AP2A2: variants seen among roughly 807,000 people sequenced by gnomAD.
AP2A2 encodes the protein AP-2 complex subunit alpha-2.
AP2A2 carries 32 observed loss-of-function variants against 104.2 expected under a neutral mutation model. That is an observed-to-expected ratio of 0.31 (90% CI 0.23 to 0.41). The LOEUF is 0.41. Among genes scored for constraint, AP2A2 ranks in the 10% least tolerant of loss-of-function variants. AP2A2 has a pLI of 1.00. For synonymous variants in AP2A2, 539 were observed against 533.3 expected (o/e 1.01, Z -0.15); for missense variants, 912 against 1,261.0 (o/e 0.72, Z 4.19).
intron 1 of AP2A2, among the ~76,000 whole-genome samples, chr11:959,073 G>A (rs1854336269): frequency 6.6e-6 from 1 of 152,236 alleles, no homozygotes; most frequent in African/African-American, 2.4e-5. Context: ...AGCGGATGAC[G>A]ATTTATCATG....
intron 1 of AP2A2, among the ~76,000 whole-genome samples, chr11:934,266 T>C (rs1853383325): frequency 6.6e-6 from 1 of 152,176 alleles, no homozygotes; most frequent in African/African-American, 2.4e-5. Flanking sequence ...TACTCTCCTT[T>C]GTTTCCCACT....
chr11:957,781 T>C (rs1288353316), intron 1 of AP2A2, among the ~76,000 whole-genome samples: 1 of 152,270 alleles, frequency 6.6e-6, no homozygotes, highest in East Asian at 1.9e-4. Context: ...CCTAGCTTCA[T>C]CTGCTTTCCT....
chr11:1,009,205 G>A lies in AP2A2; in HGVS notation c.2526G>A (p.Lys842=). The change falls in exon 19 of 22, where the codon AAG becomes AAA. Residue 842 remains lysine, a synonymous_variant. Transcript: ENST00000448903. ...CTCAGGATTTCTTTCAACGTTGGAA[G>A]CAGTTGAGCAAGTGAGAAACCTGTT... ...MASQDFFQRW[K]QLSNPQQEVQ... The A allele has an allele frequency of 6.2e-7, 1 of 1,613,638 alleles. No homozygotes were observed. Among genetic ancestry groups the A allele is most frequent in the South Asian group, 1.1e-5 (1 of 91,084 alleles).
chr11:986,801 G>A lies in AP2A2; in HGVS notation c.979G>A (p.Val327Ile), dbSNP rs750366387. 70 of 1,613,058 alleles carry A rather than the reference G, an allele frequency of 4.3e-5. No individual in the cohort carries two copies. Among genetic ancestry groups the A allele is most frequent in the Non-Finnish European group, 1.9e-5 (23 of 1,179,792 alleles). The change falls in exon 9 of 22, where the codon GTC (valine) becomes ATC (isoleucine). Residue 327 changes from valine (V) to isoleucine (I), a missense_variant. By Grantham distance (29) the Val-to-Ile change is conservative. Transcript: ENST00000448903. Reference protein sequence around the residue: ...IHHDSEPNLLVRACNQLGQFL... With the variant: ...IHHDSEPNLLIRACNQLGQFL... ...TCCACACAGTGAGCCGAACCTGCTC[G>A]TCCGTGCCTGCAACCAGTTGGGCCA...
chr11:983,410 T>C (rs550883666), intron 6 of AP2A2, among the ~76,000 whole-genome samples: 70 of 151,068 alleles, frequency 4.6e-4, no homozygotes, highest in Non-Finnish European at 9.7e-4. Context: ...TGAGATGGAG[T>C]CTCACTCTGT....
At chr11:939,156 C>A (rs1192796665) in intron 1 of AP2A2, among the ~76,000 whole-genome samples, 1 of 148,324 alleles carries the variant, frequency 6.7e-6, no homozygotes, top group Admixed American at 6.9e-5. Flanking sequence ...GAGGCTGAGG[C>A]AGCAGAATCA....
In AP2A2 at chr11:992,795, C is replaced by T. The variant is rs373416694; in HGVS notation, c.1452+110C>T. 8.7e-7 allele frequency: 1 copy of T among 1,143,706 alleles called. No individual in the cohort carries two copies. The highest frequency in any genetic ancestry group is 1.3e-6 in the Non-Finnish European group (1 of 785,296). 70.8% of individuals were successfully genotyped at this position (1,143,706 alleles called of 1,614,324 possible). A position where few individuals can be genotyped will look rare whatever the true frequency, so the allele number is the denominator to read the frequency against. On this transcript the variant is annotated intron_variant, in intron 11 of 21. Transcript: ENST00000448903. The surrounding 1 kb of genome is among the most constrained non-coding windows in gnomAD (Gnocchi z 6.4). ...GAGGTGCCGAGGGCCGTTGCTGACC[C>T]CTCTTGCCCCTCAGCTCTTCCCTGA...
chr11:949,919 C>T (rs1409186177), intron 1 of AP2A2, among the ~76,000 whole-genome samples: 1 of 152,166 alleles, frequency 6.6e-6, no homozygotes, highest in South Asian at 2.1e-4. Context: ...GCCTGGTCAT[C>T]TCCATAGATG....
intron 2 of AP2A2, among the ~76,000 whole-genome samples, chr11:966,164 A>G (rs1021230096): frequency 6.6e-6 from 1 of 152,196 alleles, no homozygotes; most frequent in African/African-American, 2.4e-5. Context: ...CTTATGACTG[A>G]TCATCTCCAG....
chr11:974,682 CA>C (rs747053947), intron 4 of AP2A2, among the ~76,000 whole-genome samples: 535 of 49,612 alleles, frequency 0.011, no homozygotes, highest in African/African-American at 0.034. Flanking sequence ...GACTCTGTCT[CA>C]AAAAAAAAAA....
intron 4 of AP2A2, among the ~76,000 whole-genome samples, chr11:974,563 C>T (rs978410362): frequency 6.6e-6 from 1 of 151,826 alleles, no homozygotes; most frequent in East Asian, 1.9e-4. Flanking sequence ...CACCTGTAGT[C>T]CCAGCTACTC....
At position 1,010,693 on chromosome 11, in the gene AP2A2, C is replaced by G. The variant is rs747099545; in HGVS notation, c.*68C>G. 2 of 1,368,558 alleles carry G rather than the reference C, an allele frequency of 1.5e-6. No individual in the cohort carries two copies. Among genetic ancestry groups the G allele is most frequent in the African/African-American group, 2.9e-5 (2 of 69,338 alleles). The allele number at this position is 1,368,558 out of a possible 1,614,324, so 84.8% of individuals were successfully genotyped here. On this transcript the variant is annotated 3_prime_UTR_variant, in exon 22 of 22. Coordinates refer to ENST00000448903, the MANE Select transcript of AP2A2 (RefSeq NM_012305.4). ...TCGTCTGTGCCGTTTGTCTTCGTGG[C>G]CATCCTGCAGATGAGCACCGTGTCC... is the stretch of plus-strand genomic sequence containing the variant.
chr11:1,000,819 A>G (rs2133770046), intron 15 of AP2A2, among the ~76,000 whole-genome samples: 1 of 152,212 alleles, frequency 6.6e-6, no homozygotes, highest in East Asian at 1.9e-4. Context: ...TACTCTCAGG[A>G]GGAAAAGGAG....
intron 4 of AP2A2, among the ~76,000 whole-genome samples, chr11:975,321 C>A (rs1854985430): frequency 6.6e-6 from 1 of 151,186 alleles, no homozygotes; most frequent in African/African-American, 2.4e-5. Flanking sequence ...GGTCCTCGGT[C>A]TCCCTCGTGT....
chr11:927,952 T>A (rs776966526), intron 1 of AP2A2, among the ~76,000 whole-genome samples: 48 of 152,332 alleles, frequency 3.2e-4, no homozygotes, highest in Admixed American at 8.5e-4. Context: ...GTATTATTTC[T>A]TAAGGGGACC....
chr11:993,478 G>A lies in AP2A2; in HGVS notation c.1550+97G>A. ...AGGCACCAGCTGGCCCTGCCGTGAG[G>A]CCTCGCAGAGCCGCTTCTGCTCCCC... On this transcript the variant is annotated intron_variant, in intron 12 of 21. Coordinates refer to ENST00000448903, the MANE Select transcript of AP2A2 (RefSeq NM_012305.4). The surrounding 1 kb of genome is among the most constrained non-coding windows in gnomAD (Gnocchi z 8.2). The A allele has an allele frequency of 1.1e-6, 1 of 888,812 alleles. No individual in the cohort carries two copies. The allele number at this position is 888,812 out of a possible 1,614,324, so 55.1% of individuals were successfully genotyped here.
At chr11:987,914 C>T (rs1855517577) in intron 9 of AP2A2, among the ~76,000 whole-genome samples, 1 of 152,260 alleles carries the variant, frequency 6.6e-6, no homozygotes, top group African/African-American at 2.4e-5. Context: ...CACAGATATT[C>T]CGGGTGGTGT....
chr11:964,674 G>GAACAAC (rs766426297), intron 2 of AP2A2, among the ~76,000 whole-genome samples: 6 of 151,684 alleles, frequency 4.0e-5, no homozygotes, highest in Non-Finnish European at 7.4e-5. Context: ...AAAATGTTGT[G>GAACAAC]AACAACAACA....
chr11:970,870 TC>T (rs1854804132), intron 3 of AP2A2, among the ~76,000 whole-genome samples: 1 of 152,334 alleles, frequency 6.6e-6, no homozygotes, highest in African/African-American at 2.4e-5. Context: ...CCCCACCATC[TC>T]CCCAGCCCTT....
Sources: allele counts gnomAD v4.1 joint callset (sites outside exome capture counted in the v4.1 genomes callset), GRCh38; gene constraint gnomAD v4.1.1; non-coding constraint Gnocchi (gnomAD v3.1); transcripts MANE v1.5; gene names NCBI Gene and HGNC (gene_info 2026-07-23, HGNC 2026-07-21).